Variants in PCNX2 observed in about 807,000 individuals in gnomAD.
PCNX2 encodes the protein pecanex-like protein 2.
A neutral mutation model predicts 223.8 loss-of-function variants in PCNX2; 168 were observed. That is an observed-to-expected ratio of 0.75 (90% CI 0.66 to 0.85). PCNX2 has a LOEUF of 0.85. Among genes scored for constraint, PCNX2 ranks in the 40% least tolerant of loss-of-function variants. The pLI, the probability that PCNX2 is intolerant of heterozygous loss-of-function variation, is 0.00. For missense variants in PCNX2, 2,507 were observed against 2,675.5 expected (o/e 0.94, Z 1.39); for synonymous variants, 1,006 against 1,052.6 (o/e 0.96, Z 0.86).
chr1:233,092,075 A>G (rs1257117965), intron 22 of PCNX2, among the ~76,000 whole-genome samples: 1 of 152,188 alleles, frequency 6.6e-6, no homozygotes, highest in African/African-American at 2.4e-5. Context: ...CATCATTGGA[A>G]GAAAAGGGAA....
At chr1:232,992,334 G>T (rs1669731124) in intron 32 of PCNX2, among the ~76,000 whole-genome samples, 1 of 152,230 alleles carries the variant, frequency 6.6e-6, no homozygotes, top group African/African-American at 2.4e-5. Flanking sequence ...GCTTCAGAAA[G>T]AACTGGGTGT....
intron 23 of PCNX2, among the ~76,000 whole-genome samples, chr1:233,084,313 G>C (rs890021109): frequency 2.0e-5 from 3 of 152,216 alleles, no homozygotes; most frequent in Non-Finnish European, 4.4e-5. Flanking sequence ...CAGGTCCAAG[G>C]ATACAGATGC....
chr1:233,037,938 T>G (rs1445636566), intron 25 of PCNX2, among the ~76,000 whole-genome samples: 2 of 152,226 alleles, frequency 1.3e-5, no homozygotes, highest in African/African-American at 2.4e-5. Flanking sequence ...TATGTGACAC[T>G]TATCAATTTA....
At chr1:233,039,654 C>G (rs1671575629) in intron 25 of PCNX2, among the ~76,000 whole-genome samples, 1 of 152,118 alleles carries the variant, frequency 6.6e-6, no homozygotes, top group Admixed American at 6.5e-5. Context: ...TAGAGTCTGA[C>G]TTAGTTAATT....
At chr1:233,166,017 T>C (rs967902405) in intron 17 of PCNX2, among the ~76,000 whole-genome samples, 3 of 152,098 alleles carry the variant, frequency 2.0e-5, no homozygotes, top group Non-Finnish European at 2.9e-5. Context: ...AATACACATC[T>C]AGATCAATGG....
intron 1 of PCNX2, among the ~76,000 whole-genome samples, chr1:233,286,276 G>A (rs1477931708): frequency 1.3e-5 from 2 of 152,066 alleles, no homozygotes; most frequent in Non-Finnish European, 2.9e-5. Flanking sequence ...CCATTTGGGT[G>A]GGGGTAGAAG....
chr1:233,132,955 G>A (rs967887308), intron 21 of PCNX2, among the ~76,000 whole-genome samples: 34 of 144,656 alleles, frequency 2.4e-4, no homozygotes, highest in Admixed American at 8.5e-4. Flanking sequence ...CTGGAGTGCA[G>A]TGGCGCAATC....
chr1:232,995,181 A>G (rs1358827431), intron 32 of PCNX2, among the ~76,000 whole-genome samples: 2 of 152,188 alleles, frequency 1.3e-5, no homozygotes, highest in Non-Finnish European at 2.9e-5. Flanking sequence ...GGGGCAGAGA[A>G]AGAGCAGGGT....
chr1:233,257,876 A>G (rs746849485), intron 5 of PCNX2, among the ~76,000 whole-genome samples, 152 bp downstream of exon 5: 2 of 152,244 alleles, frequency 1.3e-5, no homozygotes, highest in Admixed American at 1.3e-4. Context: ...TAGTATCGGT[A>G]CATTCAGCAA....
intron 32 of PCNX2, among the ~76,000 whole-genome samples, chr1:232,995,183 G>A (rs577929949): frequency 1.3e-5 from 2 of 152,326 alleles, no homozygotes; most frequent in African/African-American, 4.8e-5. Context: ...GGCAGAGAAA[G>A]AGCAGGGTGG....
At chr1:233,144,933 TTTG>T (rs1205711254) in intron 19 of PCNX2, among the ~76,000 whole-genome samples, 2 of 148,358 alleles carry the variant, frequency 1.3e-5, no homozygotes, top group African/African-American at 5.0e-5. Flanking sequence ...TTCGGTGCTA[TTTG>T]TTGTTGTTGT....
chr1:233,028,750 T>C (rs1671167340), intron 25 of PCNX2, among the ~76,000 whole-genome samples: 2 of 152,248 alleles, frequency 1.3e-5, no homozygotes, highest in Admixed American at 6.5e-5. Context: ...TTACATGTAA[T>C]GTGGTTATTT....
At chr1:233,248,625 C>T (rs189756406) in intron 8 of PCNX2, among the ~76,000 whole-genome samples, 1 of 152,172 alleles carries the variant, frequency 6.6e-6, no homozygotes, top group East Asian at 1.9e-4. Flanking sequence ...GACAGATGGA[C>T]CCAAGACTGT....
chr1:232,993,334 T>C (rs1266658924), intron 32 of PCNX2, among the ~76,000 whole-genome samples: 1 of 152,204 alleles, frequency 6.6e-6, no homozygotes, highest in Admixed American at 6.5e-5. Context: ...CTGGCGGCAT[T>C]TTATCCCATC....
chr1:233,295,929 T>TTC (rs767774399), upstream of PCNX2, among the ~76,000 whole-genome samples: 9 of 140,524 alleles, frequency 6.4e-5, no homozygotes, highest in African/African-American at 2.1e-4. This position sits in a 1 kb window ranked among gnomAD's most constrained non-coding sequence, Gnocchi z 4.1. Context: ...CCTCTCTCTC[T>TTC]CTTTCTTCCT....
At chr1:233,084,421 C>T (rs142193136) in intron 23 of PCNX2, among the ~76,000 whole-genome samples, 156 of 152,244 alleles carry the variant, frequency 1.0e-3, no homozygotes, top group South Asian at 2.5e-3. Context: ...TACACATTTG[C>T]CATAAAGGAT....
intron 21 of PCNX2, among the ~76,000 whole-genome samples, chr1:233,122,582 G>A (rs1368113598): frequency 1.3e-5 from 2 of 149,774 alleles, no homozygotes; most frequent in Non-Finnish European, 3.0e-5. Flanking sequence ...GGAGTGCAAT[G>A]GCATGATCTT....
chr1:232,996,777 C>T (rs532233633), intron 32 of PCNX2, among the ~76,000 whole-genome samples: 1 of 152,208 alleles, frequency 6.6e-6, no homozygotes, highest in South Asian at 2.1e-4. Context: ...CTTGTGGGCC[C>T]CAAGATCTTT....
At chr1:233,285,203 T>A (rs1201566659) in intron 1 of PCNX2, among the ~76,000 whole-genome samples, 2 of 151,858 alleles carry the variant, frequency 1.3e-5, no homozygotes, top group Admixed American at 1.3e-4. Context: ...AAATAAGAAA[T>A]TAGCCAGATG....
Sources: allele counts gnomAD v4.1 joint callset (sites outside exome capture counted in the v4.1 genomes callset), GRCh38; gene constraint gnomAD v4.1.1; non-coding constraint Gnocchi (gnomAD v3.1); transcripts MANE v1.5; gene names NCBI Gene and HGNC (gene_info 2026-07-23, HGNC 2026-07-21).